Variants in DISC1 observed in about 807,000 individuals in gnomAD.
The protein encoded by DISC1 is disrupted in schizophrenia 1 protein.
Under a neutral mutation model 84.5 loss-of-function variants are expected in DISC1, and 57 were observed. The ratio of observed to expected loss-of-function variants is 0.67; its 90% CI spans 0.55 to 0.84. The LOEUF is 0.84. Among genes scored for constraint, DISC1 ranks in the 40% least tolerant of loss-of-function variants. The pLI, the probability that DISC1 is intolerant of heterozygous loss-of-function variation, is 0.00. For missense variants in DISC1, 1,000 were observed against 1,057.8 expected (o/e 0.95, Z 0.76); for synonymous variants, 411 against 415.2 (o/e 0.99, Z 0.12).
At chr1:231,694,830 G>A (rs756138946) in intron 2 of DISC1, 25 bp downstream of exon 2, 70 of 1,610,030 alleles carry the variant, frequency 4.3e-5, no homozygotes, top group Non-Finnish European at 5.5e-5. Context: ...CACCTCTGTG[G>A]CCCGAGATTG....
intron 3 of DISC1, among the ~76,000 whole-genome samples, chr1:231,718,857 T>C (rs191848938): frequency 6.6e-6 from 1 of 152,298 alleles, no homozygotes; most frequent in African/African-American, 2.4e-5. Context: ...TGGTTTCTGG[T>C]TGGTCATGGT....
intron 4 of DISC1, among the ~76,000 whole-genome samples, chr1:231,755,487 G>T (rs2075026400): frequency 6.6e-6 from 1 of 151,496 alleles, no homozygotes; most frequent in African/African-American, 2.4e-5. Flanking sequence ...TCTATCTCTA[G>T]CCCTGATTTA....
At chr1:231,961,878 T>A (rs1660433860) in intron 10 of DISC1, among the ~76,000 whole-genome samples, 1 of 152,226 alleles carries the variant, frequency 6.6e-6, no homozygotes, top group Non-Finnish European at 1.5e-5. Context: ...TGGTTTATTC[T>A]CTTTTGGATA....
At chr1:231,647,144 T>C (rs2060206169) in intron 1 of DISC1, among the ~76,000 whole-genome samples, 1 of 152,250 alleles carries the variant, frequency 6.6e-6, no homozygotes, top group African/African-American at 2.4e-5. Context: ...TGCCCATGCC[T>C]ATGTCCTGAA....
In DISC1 at chr1:231,626,937, A is replaced by G; in HGVS notation, c.67+3A>G. 1.3e-6 allele frequency: 2 copies of G among 1,503,000 alleles called. No individual in the cohort carries two copies. The highest frequency in any genetic ancestry group is 2.7e-5 in the East Asian group (1 of 37,734). 93.1% of individuals were successfully genotyped at this position (1,503,000 alleles called of 1,614,324 possible). A position where few individuals can be genotyped will look rare whatever the true frequency, so the allele number is the denominator to read the frequency against. ...CGGCGGCGTGAGCCACCGCGCAGGT[A>G]GGGGAGCTGCCACAGAGTCCTAGCA... On this transcript the variant is annotated splice_donor_region_variant and intron_variant, in intron 1 of 12. Transcript: ENST00000439617.
At chr1:231,687,905 A>G (rs1009609101) in intron 1 of DISC1, among the ~76,000 whole-genome samples, 11 of 152,158 alleles carry the variant, frequency 7.2e-5, no homozygotes, top group African/African-American at 2.7e-4. Context: ...ACTGAATGAT[A>G]CATTGAAACA....
intron 9 of DISC1, among the ~76,000 whole-genome samples, chr1:231,910,958 T>C (rs974934212): frequency 9.8e-5 from 15 of 152,336 alleles, no homozygotes; most frequent in Admixed American, 9.1e-4. Context: ...TTGATCTTTG[T>C]TGGTTTAAAG....
At chr1:231,712,208 T>C (rs1289061597) in intron 3 of DISC1, among the ~76,000 whole-genome samples, 1 of 152,210 alleles carries the variant, frequency 6.6e-6, no homozygotes, top group Non-Finnish European at 1.5e-5. Flanking sequence ...TACCTTGATT[T>C]TAGCTCAGTA....
At chr1:231,810,148 G>A (rs2080155617) in intron 8 of DISC1, among the ~76,000 whole-genome samples, 1 of 152,300 alleles carries the variant, frequency 6.6e-6, no homozygotes, top group African/African-American at 2.4e-5. Flanking sequence ...ACAGAGGCAT[G>A]GGCACTGTGT....
At chr1:231,885,950 C>T (rs2086650805) in intron 9 of DISC1, among the ~76,000 whole-genome samples, 1 of 152,176 alleles carries the variant, frequency 6.6e-6, no homozygotes. Context: ...CATATTTCCT[C>T]ATCATTCTGG....
chr1:231,844,695 C>T lies in DISC1; in HGVS notation c.1981+26178C>T, dbSNP rs954101161. On this transcript the variant is annotated intron_variant, in intron 9 of 12. Transcript: ENST00000439617. ...AATACCCAGCATTTTGGGAGGCCGA[C>T]GGGGGTGGATCACGAGGTCAGGAGA... Among the ~76,000 whole-genome samples, 6 of 151,896 alleles carry T rather than the reference C, an allele frequency of 4.0e-5. No individual in the cohort carries two copies. In the East Asian group the frequency reaches 9.7e-4, roughly 25 times the overall value.
chr1:231,941,778 C>T (rs576983856), intron 9 of DISC1, among the ~76,000 whole-genome samples: 4 of 151,484 alleles, frequency 2.6e-5, no homozygotes, highest in South Asian at 2.1e-4. Flanking sequence ...GTCTGAAACT[C>T]GAATTCTAAT....
intron 10 of DISC1, among the ~76,000 whole-genome samples, chr1:231,985,390 T>C (rs1189692274): frequency 6.6e-6 from 1 of 151,534 alleles, no homozygotes; most frequent in Admixed American, 6.6e-5. Flanking sequence ...TTCAGTGTGT[T>C]ATTATGCAGA....
chr1:231,712,471 G>A (rs1049302929), intron 3 of DISC1, among the ~76,000 whole-genome samples: 5 of 152,126 alleles, frequency 3.3e-5, no homozygotes, highest in Non-Finnish European at 7.4e-5. Context: ...CAGAACTCTG[G>A]AAAATAGGCA....
intron 9 of DISC1, among the ~76,000 whole-genome samples, chr1:231,895,413 C>T (rs916966733): frequency 2.0e-5 from 3 of 149,434 alleles, no homozygotes; most frequent in African/African-American, 2.5e-5. Context: ...GTATCTCCCT[C>T]ATATATATGT....
At chr1:231,892,359 TA>T (rs1212297172) in intron 9 of DISC1, among the ~76,000 whole-genome samples, 2 of 152,306 alleles carry the variant, frequency 1.3e-5, no homozygotes, top group African/African-American at 4.8e-5. Flanking sequence ...AGACAGCATG[TA>T]TGACTGCCAA....
At chr1:231,961,341 A>G (rs1206432691) in intron 10 of DISC1, among the ~76,000 whole-genome samples, 1 of 152,230 alleles carries the variant, frequency 6.6e-6, no homozygotes, top group African/African-American at 2.4e-5. Context: ...ACCTACAGTC[A>G]GATAAGGTAG....
At chr1:231,955,592 G>C (rs1659347807) in intron 9 of DISC1, among the ~76,000 whole-genome samples, 1 of 151,470 alleles carries the variant, frequency 6.6e-6, no homozygotes, top group African/African-American at 2.4e-5. Context: ...CACGTTCAAG[G>C]GATTCTTCTG....
At chr1:231,818,774 C>T in intron 9 of DISC1, 1 of 1,324,488 alleles carries the variant, frequency 7.6e-7, no homozygotes, top group Non-Finnish European at 9.7e-7. Flanking sequence ...TGCTAATAGC[C>T]TTGTTATTAT....
Sources: gnomAD v4.1 joint callset for allele counts (sites outside exome capture counted in the v4.1 genomes callset) on GRCh38, gnomAD v4.1.1 for gene constraint, MANE v1.5 for transcripts, NCBI Gene and HGNC (gene_info 2026-07-23, HGNC 2026-07-21) for gene names.